Variants in MPZL1 observed in about 807,000 individuals in gnomAD.
The protein encoded by MPZL1 is myelin protein zero-like protein 1.
In MPZL1, 16 loss-of-function variants were observed where a neutral mutation model predicts 29.3. That is an observed-to-expected ratio of 0.55 (90% CI 0.37 to 0.83). The LOEUF is 0.83. Among genes scored for constraint, MPZL1 ranks in the 40% least tolerant of loss-of-function variants. The pLI is 0.00. For synonymous variants in MPZL1, 143 were observed against 132.0 expected (o/e 1.08, Z -0.57); for missense variants, 279 against 332.9 (o/e 0.84, Z 1.26).
chr1:167,772,697 C>T (rs960763903), intron 3 of MPZL1, among the ~76,000 whole-genome samples: 6 of 152,108 alleles, frequency 3.9e-5, no homozygotes, highest in African/African-American at 1.2e-4. Context: ...GCTGATTTCT[C>T]CATTTTTATT....
chr1:167,770,153 T>C (rs1158372507), intron 2 of MPZL1, among the ~76,000 whole-genome samples: 3 of 152,198 alleles, frequency 2.0e-5, no homozygotes, highest in Non-Finnish European at 2.9e-5. Context: ...TAAGAAAATC[T>C]AGATGATCAT....
intron 1 of MPZL1, among the ~76,000 whole-genome samples, chr1:167,749,156 T>G (rs1660708124): frequency 6.6e-6 from 1 of 152,228 alleles, no homozygotes; most frequent in Non-Finnish European, 1.5e-5. Context: ...TTTCATTCCA[T>G]TAAATGTTTA....
chr1:167,729,157 C>T (rs1660216178), intron 1 of MPZL1, among the ~76,000 whole-genome samples: 8 of 151,860 alleles, frequency 5.3e-5, no homozygotes. Context: ...ATAATCCCAG[C>T]CACTTGGGAG....
At chr1:167,767,991 C>G (rs1661154688) in intron 2 of MPZL1, among the ~76,000 whole-genome samples, 1 of 151,944 alleles carries the variant, frequency 6.6e-6, no homozygotes, top group South Asian at 2.1e-4. Flanking sequence ...TTTCTGGTGT[C>G]TAGCTTTTTG....
chr1:167,722,972 C>T (rs1412613070), intron 1 of MPZL1, among the ~76,000 whole-genome samples: 2 of 151,976 alleles, frequency 1.3e-5, no homozygotes, highest in Non-Finnish European at 2.9e-5. Context: ...CATAATTTTC[C>T]TAAAGGAAAA....
At chr1:167,722,852 A>G (rs1660066562) in intron 1 of MPZL1, among the ~76,000 whole-genome samples, 1 of 152,226 alleles carries the variant, frequency 6.6e-6, no homozygotes, top group Non-Finnish European at 1.5e-5. Context: ...GTTAGAATGC[A>G]AAGAGCTTGG....
chr1:167,747,758 T>G (rs1660676113), intron 1 of MPZL1, among the ~76,000 whole-genome samples: 1 of 152,104 alleles, frequency 6.6e-6, no homozygotes, highest in African/African-American at 2.4e-5. Context: ...AGTTTTACTG[T>G]GATATAATTC....
chr1:167,738,979 G>C (rs1457479274), intron 1 of MPZL1, among the ~76,000 whole-genome samples: 1 of 151,926 alleles, frequency 6.6e-6, no homozygotes, highest in Non-Finnish European at 1.5e-5. Flanking sequence ...GGGTCTCACT[G>C]TCACCCGGGC....
chr1:167,785,698 A>G (rs1661577039), intron 5 of MPZL1, among the ~76,000 whole-genome samples: 1 of 152,224 alleles, frequency 6.6e-6, no homozygotes, highest in Non-Finnish European at 1.5e-5. Flanking sequence ...TTATCTAAGA[A>G]TTTATATAAT....
intron 1 of MPZL1, among the ~76,000 whole-genome samples, chr1:167,735,225 A>G (rs369692314): frequency 2.6e-5 from 4 of 152,244 alleles, no homozygotes; most frequent in Non-Finnish European, 4.4e-5. Context: ...GTTTAAAGGT[A>G]TAGTATATGT....
chr1:167,746,587 G>T (rs1660651806), intron 1 of MPZL1, among the ~76,000 whole-genome samples: 1 of 152,166 alleles, frequency 6.6e-6, no homozygotes, highest in South Asian at 2.1e-4. Flanking sequence ...TTACCAAGGG[G>T]GTGCTATTTC....
At chr1:167,747,928 A>G (rs1055226904) in intron 1 of MPZL1, among the ~76,000 whole-genome samples, 3 of 152,178 alleles carry the variant, frequency 2.0e-5, no homozygotes, top group South Asian at 4.1e-4. Flanking sequence ...TCCCCTAGCA[A>G]CTACTAATCT....
intron 1 of MPZL1, among the ~76,000 whole-genome samples, chr1:167,733,379 G>C (rs1047148861): frequency 6.6e-6 from 1 of 152,188 alleles, no homozygotes; most frequent in African/African-American, 2.4e-5. Flanking sequence ...CTATAGATAA[G>C]AGTGTCACAA....
intron 1 of MPZL1, among the ~76,000 whole-genome samples, chr1:167,741,012 C>T (rs1003967007): frequency 3.3e-5 from 5 of 152,072 alleles, no homozygotes; most frequent in Admixed American, 3.3e-4. Flanking sequence ...AGAATTACTG[C>T]AGTCACTTCT....
Position 167,772,561 on chromosome 1 carries a change from G to A in MPZL1, c.472+73G>A. The stretch of plus-strand genomic sequence containing the variant: ...CATGTTTGGTTGGAAAACATGAGTT[G>A]CATTTCATGGTGGGTTTGGAGGGAG... On this transcript the variant is annotated intron_variant, in intron 3 of 5. Coordinates refer to ENST00000359523, the MANE Select transcript of MPZL1 (RefSeq NM_003953.6). The A allele has an allele frequency of 5.1e-6, 7 of 1,380,944 alleles. No homozygotes were observed. In the South Asian group the frequency reaches 7.8e-5, roughly 15 times the overall value. 85.5% of individuals were successfully genotyped at this position (1,380,944 alleles called of 1,614,324 possible).
chr1:167,732,513 T>C (rs1317420880), intron 1 of MPZL1, among the ~76,000 whole-genome samples: 3 of 152,202 alleles, frequency 2.0e-5, no homozygotes, highest in Admixed American at 2.0e-4. Flanking sequence ...AATTCACAAG[T>C]ATGGTCAAAG....
chr1:167,745,041 AG>A (rs1425791468), intron 1 of MPZL1, among the ~76,000 whole-genome samples: 1 of 152,130 alleles, frequency 6.6e-6, no homozygotes, highest in Non-Finnish European at 1.5e-5. Context: ...AGAGCAGGGC[AG>A]GCTTCCCATG....
At chr1:167,772,114 C>T (rs61808926) in intron 2 of MPZL1, among the ~76,000 whole-genome samples, 161 bp from the exon 3 acceptor site, 2 of 151,834 alleles carry the variant, frequency 1.3e-5, no homozygotes, top group Admixed American at 6.6e-5. Context: ...CAGAGGGAGA[C>T]CGAAAAAAGG....
At chr1:167,727,241 A>T (rs1352019574) in intron 1 of MPZL1, among the ~76,000 whole-genome samples, 1 of 152,156 alleles carries the variant, frequency 6.6e-6, no homozygotes. Context: ...CCTACTAAAT[A>T]TTTCTCACCA....
Sources: allele counts gnomAD v4.1 joint callset (sites outside exome capture counted in the v4.1 genomes callset), GRCh38; gene constraint gnomAD v4.1.1; transcripts MANE v1.5; gene names NCBI Gene and HGNC (gene_info 2026-07-23, HGNC 2026-07-21).